Variants in ZCCHC8 observed in about 807,000 individuals in gnomAD.
The protein encoded by ZCCHC8 is zinc finger CCHC-type containing 8, also known as zinc finger CCHC domain-containing protein 8.
Under a neutral mutation model 70.6 loss-of-function variants are expected in ZCCHC8, and 27 were observed. The ratio of observed to expected loss-of-function variants is 0.38; its 90% CI spans 0.28 to 0.53. The LOEUF is 0.53. ZCCHC8 is among the 20% of genes least tolerant of loss of function. ZCCHC8 has a pLI of 0.81. For missense variants in ZCCHC8, 737 were observed against 876.9 expected, an observed-to-expected ratio of 0.84 and a Z score of 2.01; for synonymous variants, 293 against 317.4, an observed-to-expected ratio of 0.92 and a Z score of 0.82.
chr12:122,494,215 G>A (rs1168655548), intron 2 of ZCCHC8, among the ~76,000 whole-genome samples: 1 of 152,084 alleles, frequency 6.6e-6, no homozygotes, highest in East Asian at 1.9e-4. Context: ...TGTACAGCAT[G>A]TGAAATAAAT....
chr12:122,481,636 T>C lies in ZCCHC8; in HGVS notation c.904A>G (p.Thr302Ala). 1 of 1,613,756 alleles carries C rather than the reference T, an allele frequency of 6.2e-7. No individual in the cohort carries two copies. The highest frequency in any genetic ancestry group is 2.2e-5 in the East Asian group (1 of 44,878). ...ATAAAAGGTGGAAGACTCTTGTCTGTCACACCTAGTGCATCTTGAAGTTCC... is the reference window on the plus strand; with the variant it reads ...ATAAAAGGTGGAAGACTCTTGTCTGCCACACCTAGTGCATCTTGAAGTTCC... ...SEELQDALGVTDKSLPPFIYR... is the reference protein window; with the variant it reads ...SEELQDALGVADKSLPPFIYR... The change falls in exon 10 of 14, where the codon ACA (threonine) becomes GCA (alanine). Residue 302 changes from threonine (T) to alanine (A), a missense_variant. Coordinates refer to ENST00000633063, the MANE Select transcript of ZCCHC8 (RefSeq NM_017612.5).
At position 122,477,827 on chromosome 12, in the gene ZCCHC8, A is replaced by T. The variant is rs1400797831; in HGVS notation, c.1345+14T>A. The T allele has an allele frequency of 6.5e-7, 1 of 1,548,068 alleles. No homozygotes were observed. The highest frequency in any genetic ancestry group is 8.9e-7 in the Non-Finnish European group (1 of 1,121,610). On this transcript the variant is annotated intron_variant, in intron 13 of 13. Transcript: ENST00000633063. ...AAAAAAAGAGAGAAATCAGAGCCAT[A>T]GGATGAAACCTACCTGAATCGAGCT...
chr12:122,483,083 G>A lies in ZCCHC8; in HGVS notation c.671+196C>T, dbSNP rs376911272. 4.2e-4 allele frequency: 257 copies of A among 611,040 alleles called. 2 individuals carry two copies. The South Asian group carries it at 5.6e-3, about 13-fold the overall frequency. 37.9% of individuals were successfully genotyped at this position (611,040 alleles called of 1,614,324 possible). A position where few individuals can be genotyped will look rare whatever the true frequency, so the allele number is the denominator to read the frequency against. On this transcript the variant is annotated intron_variant, in intron 7 of 13. Coordinates refer to ENST00000633063, the MANE Select transcript of ZCCHC8 (RefSeq NM_017612.5). This position sits in a 1 kb window ranked among gnomAD's most constrained non-coding sequence, Gnocchi z 4.4. ...CTTTCCACCCACCCAGGCACATTAG[G>A]TGAGAACCAATGAATTCCAGGAAGC...
chr12:122,488,740 G>A (rs557174143), intron 5 of ZCCHC8, among the ~76,000 whole-genome samples: 13 of 151,796 alleles, frequency 8.6e-5, no homozygotes, highest in African/African-American at 2.9e-4. Flanking sequence ...GCGTGGTGGC[G>A]GGTGCCTGTA....
chr12:122,495,971 C>T (rs550709913), intron 2 of ZCCHC8, among the ~76,000 whole-genome samples: 1 of 149,780 alleles, frequency 6.7e-6, no homozygotes, highest in Admixed American at 6.7e-5. Flanking sequence ...AGTTTGAAAC[C>T]AGCCTGGCAA....
Position 122,473,709 on chromosome 12 carries a change from C to T in ZCCHC8, c.1912G>A (p.Gly638Arg). ...GCAGGAAAGAGCTTCTGGCTGCCCCCATTGCTGATGTCACAGTTTGGTACG... is the reference window on the plus strand; with the variant it reads ...GCAGGAAAGAGCTTCTGGCTGCCCCTATTGCTGATGTCACAGTTTGGTACG... Reference protein sequence around the residue: ...SVVPNCDISNGGSQKLFPADT... With the variant: ...SVVPNCDISNRGSQKLFPADT... Residue 638 changes from glycine to arginine, a missense_variant, in exon 14 of 14, where the codon GGG (glycine) becomes AGG (arginine). Physicochemically the swap from Gly to Arg is moderately radical, Grantham distance 125. Transcript: ENST00000633063. 1 of 1,613,996 alleles carries T rather than the reference C, an allele frequency of 6.2e-7. No individual in the cohort carries two copies. The highest frequency in any genetic ancestry group is 8.5e-7 in the Non-Finnish European group (1 of 1,179,900).
chr12:122,497,913 G>T (rs370981657), intron 2 of ZCCHC8, among the ~76,000 whole-genome samples: 1 of 152,056 alleles, frequency 6.6e-6, no homozygotes, highest in Admixed American at 6.6e-5. Flanking sequence ...GGAGGCTGAG[G>T]CGGGAGGATC....
In ZCCHC8 at chr12:122,498,279, C is replaced by T. The variant is rs180772268; in HGVS notation, c.242+548G>A. On this transcript the variant is annotated intron_variant, in intron 2 of 13. Transcript: ENST00000633063. ...CCTCCCAAGTAGCTGGGATTACAGG[C>T]GCCCACCACGTCCAGCTTATTTTTG... 7.1e-4 allele frequency among the ~76,000 whole-genome samples: 107 copies of T among 151,176 alleles called. 1 individual carries two copies. The highest frequency in any genetic ancestry group is 2.2e-3 in the African/African-American group (92 of 41,206).
At chr12:122,488,072 T>C (rs1957674416) in intron 5 of ZCCHC8, among the ~76,000 whole-genome samples, 1 of 150,360 alleles carries the variant, frequency 6.7e-6, no homozygotes, top group Non-Finnish European at 1.5e-5. Flanking sequence ...CACTCTGTTG[T>C]CCAGGCTGGA....
Position 122,473,424 on chromosome 12 carries a change from C to A in ZCCHC8, c.*73G>T. On this transcript the variant is annotated 3_prime_UTR_variant, in exon 14 of 14. Transcript: ENST00000633063. ...GGGAGGGACAAACAGGAAAACCATTCTATCTATCCACTTAATTAGTACTAA... is the reference window on the plus strand; with the variant it reads ...GGGAGGGACAAACAGGAAAACCATTATATCTATCCACTTAATTAGTACTAA... 1 of 1,450,222 alleles carries A rather than the reference C, an allele frequency of 6.9e-7. No homozygotes were observed. Among genetic ancestry groups the A allele is most frequent in the Non-Finnish European group, 9.3e-7 (1 of 1,075,604 alleles). The allele number at this position is 1,450,222 out of a possible 1,614,324, so 89.8% of individuals were successfully genotyped here.
At chr12:122,486,692 C>G (rs1216598537) in intron 5 of ZCCHC8, among the ~76,000 whole-genome samples, 1 of 151,978 alleles carries the variant, frequency 6.6e-6, no homozygotes, top group African/African-American at 2.4e-5. Flanking sequence ...GCCTCAGCCC[C>G]CTGAGTAGCT....
At chr12:122,496,694 C>G (rs1182142214) in intron 2 of ZCCHC8, among the ~76,000 whole-genome samples, 1 of 152,134 alleles carries the variant, frequency 6.6e-6, no homozygotes, top group Admixed American at 6.5e-5. Flanking sequence ...GAGACAGAGT[C>G]TCACCATGTT....
chr12:122,474,397 G>A, intron 13 of ZCCHC8, 122 bp from the exon 14 acceptor site: 1 of 914,902 alleles, frequency 1.1e-6, no homozygotes, highest in Non-Finnish European at 1.5e-6. Context: ...GGCTTAACAT[G>A]AGGGAAATTC....
intron 2 of ZCCHC8, among the ~76,000 whole-genome samples, chr12:122,497,546 A>C (rs978820221): frequency 6.6e-6 from 1 of 152,180 alleles, no homozygotes; most frequent in Non-Finnish European, 1.5e-5. Context: ...TGTCTCAAAA[A>C]AATTAAAAAA....
In ZCCHC8 at chr12:122,483,467, T is replaced by C; in HGVS notation, c.598A>G (p.Ile200Val). 1.3e-6 allele frequency: 2 copies of C among 1,590,896 alleles called. No individual in the cohort carries two copies. Among genetic ancestry groups the C allele is most frequent in the Non-Finnish European group, 1.7e-6 (2 of 1,167,250 alleles). ...ATTCACTATGTAGGATACTTGGGTA[T>C]TTCCCATCCTTCGGAAAGCTGAGGG... ...ENPQLSEGWE[I>V]PKYHQVFSHI... Residue 200 changes from isoleucine (I) to valine (V), a missense_variant, in exon 6 of 14, where the codon ATA becomes GTA. Transcript: ENST00000633063. The surrounding 1 kb of genome is among the most constrained non-coding windows in gnomAD (Gnocchi z 4.4).
At chr12:122,491,769 G>A (rs1366984331) in intron 3 of ZCCHC8, among the ~76,000 whole-genome samples, 1 of 149,484 alleles carries the variant, frequency 6.7e-6, no homozygotes, top group African/African-American at 2.5e-5. Flanking sequence ...TGGAGGTTGT[G>A]TTGGGCCAAG....
At chr12:122,487,688 AG>A (rs1398237201) in intron 5 of ZCCHC8, among the ~76,000 whole-genome samples, 1 of 152,206 alleles carries the variant, frequency 6.6e-6, no homozygotes, top group Non-Finnish European at 1.5e-5. Flanking sequence ...GGCACTTTAA[AG>A]GGTGATTTAA....
chr12:122,488,314 G>C (rs1294481954), intron 5 of ZCCHC8, among the ~76,000 whole-genome samples: 1 of 151,870 alleles, frequency 6.6e-6, no homozygotes, highest in Non-Finnish European at 1.5e-5. Flanking sequence ...TTACAGGTGT[G>C]AGCCACTTCG....
chr12:122,494,652 G>A (rs1957799844), intron 2 of ZCCHC8, among the ~76,000 whole-genome samples: 1 of 152,060 alleles, frequency 6.6e-6, no homozygotes, highest in South Asian at 2.1e-4. Context: ...TCAGGCGATG[G>A]AGACCATCCT....
Sources: gnomAD v4.1 joint callset for allele counts (sites outside exome capture counted in the v4.1 genomes callset) on GRCh38, gnomAD v4.1.1 for gene constraint, Gnocchi (gnomAD v3.1) non-coding constraint, MANE v1.5 for transcripts, NCBI Gene and HGNC (gene_info 2026-07-23, HGNC 2026-07-21) for gene names.